The following MED16 variants were observed in gnomAD, a reference collection of about 807,000 sequenced individuals.
MED16 encodes the protein mediator complex subunit 16.
Under a neutral mutation model 84.4 loss-of-function variants are expected in MED16, and 81 were observed. The ratio of observed to expected loss-of-function variants is 0.96; its 90% CI spans 0.80 to 1.15. MED16 has a LOEUF of 1.15. MED16 is among the 50% of genes most tolerant of loss of function. The probability of loss-of-function intolerance (pLI) is 0.00; values close to 1 mark genes in which losing one functional copy is unlikely to be tolerated. For synonymous variants in MED16, 897 were observed against 552.2 expected (o/e 1.62, Z -8.76); for missense variants, 1,585 against 1,245.9 (o/e 1.27, Z -4.10).
intron 6 of MED16, among the ~76,000 whole-genome samples, chr19:883,914 G>A (rs1349965886): frequency 6.6e-6 from 1 of 152,148 alleles, no homozygotes; most frequent in Non-Finnish European, 1.5e-5. Context: ...AATGGCAGCA[G>A]CCCTCTTCAC....
intron 4 of MED16, among the ~76,000 whole-genome samples, chr19:886,490 C>T (rs1297775350): frequency 1.3e-5 from 2 of 152,236 alleles, no homozygotes; most frequent in Non-Finnish European, 2.9e-5. Flanking sequence ...TGTAAAGGGA[C>T]AGACAGCAGC....
intron 4 of MED16, 144 bp downstream of exon 4, chr19:889,494 A>G (rs1465017285): frequency 2.3e-6 from 2 of 884,226 alleles, no homozygotes; most frequent in Non-Finnish European, 3.4e-6. Flanking sequence ...ACAGGTGCTA[A>G]TGACAGCCGG....
At chr19:877,408 T>G (rs1408129736) in intron 8 of MED16, among the ~76,000 whole-genome samples, 2 of 152,122 alleles carry the variant, frequency 1.3e-5, no homozygotes, top group African/African-American at 4.8e-5. Flanking sequence ...CCGACTGCAC[T>G]GGATGCCGAG....
At chr19:890,283 C>T in intron 2 of MED16, 39 bp from the exon 3 acceptor site, 1 of 1,378,064 alleles carries the variant, frequency 7.3e-7, no homozygotes, top group Non-Finnish European at 9.8e-7. Flanking sequence ...CCTGGCACCA[C>T]AGCCTGCAGA....
chr19:888,269 C>T (rs1199057756), intron 4 of MED16, among the ~76,000 whole-genome samples: 1 of 151,856 alleles, frequency 6.6e-6, no homozygotes, highest in East Asian at 1.9e-4. Flanking sequence ...CACCTCTAAT[C>T]CCAGCACTTT....
At chr19:868,285 A>C (rs1325270656) in intron 15 of MED16, 34 bp from the exon 16 acceptor site, 2 of 1,589,416 alleles carry the variant, frequency 1.3e-6, no homozygotes, top group Non-Finnish European at 1.7e-6. Flanking sequence ...CGCGCCGAGG[A>C]GAGTCCAGGG....
Position 868,953 on chromosome 19 carries a change from GGA to G in MED16, c.2316-9_2316-8del. The G allele has an allele frequency of 2.0e-6, 3 of 1,533,744 alleles. No individual in the cohort carries two copies. Among genetic ancestry groups the G allele is most frequent in the Non-Finnish European group, 2.6e-6 (3 of 1,147,482 alleles). On this transcript the variant is annotated splice_polypyrimidine_tract_variant and splice_region_variant and intron_variant, in intron 13 of 15. Coordinates refer to ENST00000325464, the MANE Select transcript of MED16 (RefSeq NM_005481.3). ...CTTGGGCTGGCCTGGGGCCCTGGCG[GGA>G]GAGGGGAGAACGTGAGGGAGGCCTG...
In MED16 at chr19:871,182, G is replaced by C. The variant is rs950243154; in HGVS notation, c.2170C>G (p.Leu724Val). The C allele has an allele frequency of 3.9e-6, 6 of 1,549,506 alleles. No homozygotes were observed. The African/African-American group carries it at 5.5e-5, about 14-fold the overall frequency. ...AGCCAGTCCAGGCTGGGGATAAGCAGCTGGCTGGGCAGCAGGCAGCATTCA... is the reference window on the plus strand; with the variant it reads ...AGCCAGTCCAGGCTGGGGATAAGCACCTGGCTGGGCAGCAGGCAGCATTCA... ...VDECCLLPSQ[L>V]LIPSLDWLPA... Residue 724 changes from leucine (L) to valine (V), a missense_variant, in exon 13 of 16, where the codon CTG becomes GTG. Transcript: ENST00000325464.
chr19:886,404 G>A (rs900987767), intron 4 of MED16, among the ~76,000 whole-genome samples: 3 of 152,346 alleles, frequency 2.0e-5, no homozygotes, highest in East Asian at 1.9e-4. Flanking sequence ...TGGAAGGAAC[G>A]GCACCTTTGC....
At chr19:886,429 G>C (rs570429772) in intron 4 of MED16, among the ~76,000 whole-genome samples, 1 of 152,222 alleles carries the variant, frequency 6.6e-6, no homozygotes, top group Non-Finnish European at 1.5e-5. Flanking sequence ...GAGGACAGTG[G>C]GGAGGATTAA....
At position 890,119 on chromosome 19, in the gene MED16, G is replaced by A. The variant is rs1198171770; in HGVS notation, c.277+18C>T. 8 of 1,534,466 alleles carry A rather than the reference G, an allele frequency of 5.2e-6. No individual in the cohort carries two copies. Among genetic ancestry groups the A allele is most frequent in the South Asian group, 1.2e-5 (1 of 83,732 alleles). Reference sequence around the variant, plus strand: ...GATCCGGGTCGCCACCCCTGGCCACGTGGGACCAGCGCCTCACCTGACTGG... The same window carrying A: ...GATCCGGGTCGCCACCCCTGGCCACATGGGACCAGCGCCTCACCTGACTGG... On this transcript the variant is annotated intron_variant, in intron 3 of 15. Coordinates refer to ENST00000325464, the MANE Select transcript of MED16 (RefSeq NM_005481.3).
intron 3 of MED16, 138 bp from the exon 4 acceptor site, chr19:889,945 G>T: frequency 3.9e-6 from 4 of 1,036,778 alleles, no homozygotes; most frequent in Non-Finnish European, 5.5e-6. Flanking sequence ...GGCACAAGGC[G>T]CACTCCAGAG....
chr19:876,992 C>A lies in MED16; in HGVS notation c.1542G>T (p.Gln514His). The change falls in exon 9 of 16, where the codon CAG becomes CAT. Residue 514 changes from glutamine to histidine, a missense_variant. By Grantham distance (24) the Gln-to-His change is conservative. Coordinates refer to ENST00000325464, the MANE Select transcript of MED16 (RefSeq NM_005481.3). ...CCCCCACCTGCTGCAGGGCAGCGGT[C>A]TGGCGCGTGTACTCCTCGTGCAGCT... is the stretch of plus-strand genomic sequence containing the variant. Reference protein sequence around the residue: ...VEKLHEEYTRQTAALQQVLST... With the variant: ...VEKLHEEYTRHTAALQQVLST... The A allele has an allele frequency of 6.3e-7, 1 of 1,599,752 alleles. No individual in the cohort carries two copies. Among genetic ancestry groups the A allele is most frequent in the Non-Finnish European group, 8.5e-7 (1 of 1,175,824 alleles).
At position 871,177 on chromosome 19, in the gene MED16, A is replaced by C; in HGVS notation, c.2175T>G (p.Leu725=). ...DECCLLPSQL[L]IPSLDWLPAS... ...CTGGCAGCCAGTCCAGGCTGGGGAT[A>C]AGCAGCTGGCTGGGCAGCAGGCAGC... The change falls in exon 13 of 16, where the codon CTT becomes CTG. Residue 725 remains leucine (L), a synonymous_variant. Transcript: ENST00000325464. 1 of 1,549,554 alleles carries C rather than the reference A, an allele frequency of 6.5e-7. No homozygotes were observed. Among genetic ancestry groups the C allele is most frequent in the Non-Finnish European group, 8.7e-7 (1 of 1,146,420 alleles).
At chr19:888,966 A>G (rs947341468) in intron 4 of MED16, among the ~76,000 whole-genome samples, 4 of 152,076 alleles carry the variant, frequency 2.6e-5, no homozygotes, top group Admixed American at 2.6e-4. Context: ...CCCTGCCGTC[A>G]GTGAGGAAAC....
chr19:868,049 CGA>C lies in MED16; in HGVS notation c.*50_*51del. ...CTCTCCGCGGGTGAGGCAAGGAAACCGAGGAGACGCCCGAGCCGGGTCACCAC... is the reference window on the plus strand; with the variant it reads ...CTCTCCGCGGGTGAGGCAAGGAAACCGGAGACGCCCGAGCCGGGTCACCAC... On this transcript the variant is annotated 3_prime_UTR_variant, in exon 16 of 16. Coordinates refer to ENST00000325464, the MANE Select transcript of MED16 (RefSeq NM_005481.3). 1 of 1,551,284 alleles carries C rather than the reference CGA, an allele frequency of 6.4e-7. No individual in the cohort carries two copies.
Position 871,320 on chromosome 19 carries a change from G to A in MED16, c.2099-67C>T, listed in dbSNP as rs1599315960. 2.7e-6 allele frequency: 4 copies of A among 1,455,200 alleles called. No individual in the cohort carries two copies. The East Asian group carries it at 1.0e-4, about 36-fold the overall frequency. The allele number at this position is 1,455,200 out of a possible 1,614,324, so 90.1% of individuals were successfully genotyped here. A position where few individuals can be genotyped will look rare whatever the true frequency, so the allele number is the denominator to read the frequency against. On this transcript the variant is annotated intron_variant, in intron 12 of 15. Transcript: ENST00000325464. ...GGCACCGCCCGGCCACCCGGGACGT[G>A]CTGGGAGCCCCTCCAGTTCAGGAGC...
intron 6 of MED16, among the ~76,000 whole-genome samples, chr19:884,011 T>A (rs1288186435): frequency 2.0e-5 from 3 of 152,208 alleles, no homozygotes; most frequent in African/African-American, 7.2e-5. Flanking sequence ...CAATGGGCAG[T>A]TGACATAACC....
At chr19:885,693 T>C in intron 5 of MED16, 77 bp downstream of exon 5, 3 of 1,524,174 alleles carry the variant, frequency 2.0e-6, no homozygotes, top group East Asian at 2.3e-5. Flanking sequence ...CCCGCGCGGG[T>C]CTCCACCCCC....
Sources: allele counts gnomAD v4.1 joint callset (sites outside exome capture counted in the v4.1 genomes callset), GRCh38; gene constraint gnomAD v4.1.1; transcripts MANE v1.5; gene names NCBI Gene and HGNC (gene_info 2026-07-23, HGNC 2026-07-21).